ARID1B: variants seen among roughly 807,000 people sequenced by gnomAD.
ARID1B encodes the protein AT-rich interaction domain 1B, also known as AT-rich interactive domain-containing protein 1B.
Under a neutral mutation model 212.3 loss-of-function variants are expected in ARID1B, and 30 were observed. The ratio of observed to expected loss-of-function variants is 0.14; its 90% confidence interval spans 0.11 to 0.19. The LOEUF (loss-of-function observed/expected upper bound fraction) is 0.19. Among genes scored for constraint, ARID1B ranks in the 10% least tolerant of loss-of-function variants. The pLI is 1.00. For synonymous variants in ARID1B, 1,402 were observed against 1,301.7 expected (o/e 1.08, Z -1.66); for missense variants, 2,891 against 3,204.0 (o/e 0.90, Z 2.36).
chr6:156,906,698 C>T (rs1789422241), intron 3 of ARID1B, among the ~76,000 whole-genome samples: 1 of 152,018 alleles, frequency 6.6e-6, no homozygotes. Context: ...TCCGCTGGCT[C>T]TTCTGCCTGG....
At chr6:157,080,374 A>G (rs576864813) in intron 4 of ARID1B, among the ~76,000 whole-genome samples, 10 of 152,346 alleles carry the variant, frequency 6.6e-5, no homozygotes, top group Non-Finnish European at 1.5e-4. Flanking sequence ...CTTACGCTAA[A>G]TTGAATACCA....
intron 2 of ARID1B, among the ~76,000 whole-genome samples, chr6:156,866,254 T>C (rs1281552424): frequency 6.6e-6 from 1 of 152,180 alleles, no homozygotes; most frequent in African/African-American, 2.4e-5. Context: ...TCTTTTGCTC[T>C]TCTACGAGGA....
chr6:156,784,114 C>T (rs1390615833), intron 1 of ARID1B, among the ~76,000 whole-genome samples: 1 of 151,892 alleles, frequency 6.6e-6, no homozygotes, highest in Admixed American at 6.6e-5. Flanking sequence ...CTCAAGGGGC[C>T]GTATCCACCT....
chr6:156,967,613 A>G (rs1794858063), intron 4 of ARID1B, among the ~76,000 whole-genome samples: 1 of 152,234 alleles, frequency 6.6e-6, no homozygotes, highest in African/African-American at 2.4e-5. Flanking sequence ...TTTGCCCTAT[A>G]TATTCAATTT....
At chr6:156,961,611 T>TA (rs1257559281) in intron 4 of ARID1B, among the ~76,000 whole-genome samples, 1 of 152,086 alleles carries the variant, frequency 6.6e-6, no homozygotes, top group Non-Finnish European at 1.5e-5. Context: ...CTGGTGGTCC[T>TA]TAGCAGTACT....
intron 1 of ARID1B, among the ~76,000 whole-genome samples, chr6:156,826,217 A>G (rs984671776): frequency 6.6e-6 from 1 of 152,198 alleles, no homozygotes; most frequent in Admixed American, 6.5e-5. Context: ...TGTGTCCTCC[A>G]CAGAGCTTCA....
intron 4 of ARID1B, among the ~76,000 whole-genome samples, chr6:156,960,335 A>G (rs758431711): frequency 1.3e-5 from 2 of 152,156 alleles, no homozygotes; most frequent in African/African-American, 4.8e-5. Context: ...TGTATGATGG[A>G]CGTCCTTATT....
rs1794690085 is a variant in ARID1B, at chr6:157,210,133, A to G, written c.*2242A>G. 2 of 232,492 alleles carry G rather than the reference A, an allele frequency of 8.6e-6. No homozygotes were observed. The highest frequency in any genetic ancestry group is 1.8e-4 in the South Asian group (1 of 5,530). The allele number at this position is 232,492 out of a possible 1,614,324, so 14.4% of individuals were successfully genotyped here. ...TCTGCAAACAGTCTCTCATCTGTCA[A>G]CTCCCACATTACTGAGTCAAACAGT... On this transcript the variant is annotated 3_prime_UTR_variant, in exon 20 of 20. Coordinates refer to ENST00000636930, the MANE Select transcript of ARID1B (RefSeq NM_001374828.1).
intron 2 of ARID1B, among the ~76,000 whole-genome samples, chr6:156,884,685 A>G (rs1787366316): frequency 6.6e-6 from 1 of 152,186 alleles, no homozygotes; most frequent in South Asian, 2.1e-4. Flanking sequence ...GGCTACCACT[A>G]GTTTGGGGAG....
chr6:157,069,252 T>C lies in ARID1B; in HGVS notation c.2248-15410T>C, dbSNP rs146312202. Among the ~76,000 whole-genome samples, 98 of 152,334 alleles carry C rather than the reference T, an allele frequency of 6.4e-4. 1 individual carries two copies. Among genetic ancestry groups the C allele is most frequent in the African/African-American group, 2.1e-3 (89 of 41,578 alleles). On this transcript the variant is annotated intron_variant, in intron 4 of 19. Coordinates refer to ENST00000636930, the MANE Select transcript of ARID1B (RefSeq NM_001374828.1). ...TCTAAATATAGCTCCATTTATTTTT[T>C]ATATATTATTCATGTCCTGCATGTG...
chr6:157,203,868 A>C lies in ARID1B; in HGVS notation c.5266A>C (p.Thr1756Pro). 6.2e-7 allele frequency: 1 copy of C among 1,613,990 alleles called. No homozygotes were observed. Among genetic ancestry groups the C allele is most frequent in the Non-Finnish European group, 8.5e-7 (1 of 1,179,948 alleles). ...TCCTTGTTCTTCCCCATCTTCAGTT[A>C]CTCCTGAGGCGTGGCGTGTGATGAT... ...RRKITSKDIVTPEAWRVMMSL... is the reference protein window; with the variant it reads ...RRKITSKDIVPPEAWRVMMSL... The change falls in exon 19 of 20, where the codon ACT becomes CCT. Residue 1756 changes from threonine to proline, a missense_variant and splice_region_variant. By Grantham distance (38) the Thr-to-Pro change is conservative (BLOSUM62 -1). This residue lies in a region of ARID1B where 666 missense variants were observed against 873.5 expected (regional missense o/e 0.76). Transcript: ENST00000636930. The surrounding 1 kb of genome is among the most constrained non-coding windows in gnomAD (Gnocchi z 4.4).
chr6:157,051,292 T>C (rs1782589684), intron 4 of ARID1B, among the ~76,000 whole-genome samples: 3 of 152,144 alleles, frequency 2.0e-5, no homozygotes, highest in Admixed American at 2.0e-4. Context: ...TTTTATGGCT[T>C]GTGGAAAAGT....
In ARID1B at chr6:157,201,483, A is replaced by T; in HGVS notation, c.5258A>T (p.Asp1753Val). 6.7e-7 allele frequency: 1 copy of T among 1,495,848 alleles called. No individual in the cohort carries two copies. The highest frequency in any genetic ancestry group is 8.9e-7 in the Non-Finnish European group (1 of 1,122,168). 92.7% of individuals were successfully genotyped at this position (1,495,848 alleles called of 1,614,324 possible). A position where few individuals can be genotyped will look rare whatever the true frequency, so the allele number is the denominator to read the frequency against. The change falls in exon 18 of 20, where the codon GAT becomes GTT. Residue 1753 changes from aspartate (D) to valine (V), a missense_variant. Coordinates refer to ENST00000636930, the MANE Select transcript of ARID1B (RefSeq NM_001374828.1). The surrounding 1 kb of genome is among the most constrained non-coding windows in gnomAD (Gnocchi z 5.2). ...CAAAGGCGAAAGATTACCTCCAAAG[A>T]TATCGGTAAGAATTCCAAAGCTTTC... Reference protein sequence around the residue: ...LKQRRKITSKDIVTPEAWRVM... With the variant: ...LKQRRKITSKVIVTPEAWRVM...
chr6:156,950,575 A>G (rs183643128), intron 4 of ARID1B, among the ~76,000 whole-genome samples: 31 of 150,106 alleles, frequency 2.1e-4, no homozygotes, highest in African/African-American at 7.5e-4. Flanking sequence ...CATTAAATGA[A>G]TATGTTGTTG....
intron 12 of ARID1B, among the ~76,000 whole-genome samples, chr6:157,182,830 G>A (rs1792662943): frequency 6.6e-6 from 1 of 152,196 alleles, no homozygotes; most frequent in South Asian, 2.1e-4. Flanking sequence ...TTTCCCCTCT[G>A]CACCTGGGCT....
Position 156,801,604 on chromosome 6 carries a change from A to AT in ARID1B, c.1791+22139dup, listed in dbSNP as rs931160307. Among the ~76,000 whole-genome samples, 7 of 152,052 alleles carry AT rather than the reference A, an allele frequency of 4.6e-5. No individual in the cohort carries two copies. In the East Asian group the frequency reaches 5.8e-4, roughly 13 times the overall value. ...AAAACCACATTATAAACAAGGAAAG[A>AT]TTTTTTCCTCTGCTTGAAGCATCTA... On this transcript the variant is annotated intron_variant, in intron 1 of 19. Transcript: ENST00000636930.
chr6:156,787,202 T>G (rs1316389115), intron 1 of ARID1B, among the ~76,000 whole-genome samples: 1 of 152,166 alleles, frequency 6.6e-6, no homozygotes, highest in Admixed American at 6.5e-5. Context: ...CTACATTACA[T>G]AGATTCTTGG....
At chr6:156,865,990 T>A (rs993326761) in intron 2 of ARID1B, among the ~76,000 whole-genome samples, 1 of 152,226 alleles carries the variant, frequency 6.6e-6, no homozygotes, top group African/African-American at 2.4e-5. Flanking sequence ...CCTATTTTTA[T>A]GTTAAAGTCT....
chr6:157,048,319 A>G (rs1168732217), intron 4 of ARID1B, among the ~76,000 whole-genome samples: 2 of 152,378 alleles, frequency 1.3e-5, no homozygotes, highest in East Asian at 1.9e-4. Context: ...TAACAGATGT[A>G]TCACTGATAA....
Sources: allele counts gnomAD v4.1 joint callset (sites outside exome capture counted in the v4.1 genomes callset), GRCh38; gene constraint gnomAD v4.1.1; regional missense constraint gnomAD v4.1.1; non-coding constraint Gnocchi (gnomAD v3.1); transcripts MANE v1.5; gene names NCBI Gene and HGNC (gene_info 2026-07-23, HGNC 2026-07-21).